The following GABRB2 variants were observed in gnomAD, a reference collection of about 807,000 sequenced individuals.
GABRB2 encodes gamma-aminobutyric acid receptor subunit beta-2.
In GABRB2, 16 loss-of-function variants were observed where a neutral mutation model predicts 54.7. That is an observed-to-expected ratio of 0.29 (90% confidence interval 0.20 to 0.44). The LOEUF (loss-of-function observed/expected upper bound fraction) is 0.44. GABRB2 is among the 20% of genes least tolerant of loss of function. The pLI is 1.00. For synonymous variants in GABRB2, 244 were observed against 233.8 expected (o/e 1.04, Z -0.40); for missense variants, 355 against 644.0 (o/e 0.55, Z 4.86).
At chr5:161,360,363 T>G (rs1364605615) in intron 5 of GABRB2, among the ~76,000 whole-genome samples, 1 of 152,162 alleles carries the variant, frequency 6.6e-6, no homozygotes. Context: ...GGTTCAGATG[T>G]TGATGTAAAG....
chr5:161,537,588 T>C (rs2113469183), intron 3 of GABRB2, among the ~76,000 whole-genome samples: 1 of 152,326 alleles, frequency 6.6e-6, no homozygotes, highest in South Asian at 2.1e-4. Context: ...TTTTTTTGCA[T>C]TCCTGTCTTA....
intron 4 of GABRB2, among the ~76,000 whole-genome samples, chr5:161,457,372 T>C (rs1323837232): frequency 2.0e-5 from 3 of 152,180 alleles, no homozygotes; most frequent in African/African-American, 7.2e-5. Flanking sequence ...TCATTTTTGT[T>C]TGATTAATGA....
intron 4 of GABRB2, among the ~76,000 whole-genome samples, chr5:161,417,210 C>T (rs1756703952): frequency 6.6e-6 from 1 of 152,142 alleles, no homozygotes; most frequent in African/African-American, 2.4e-5. Context: ...TTTTGTAGAA[C>T]AGGTAAAACA....
At chr5:161,326,289 C>A (rs1758358597) in intron 9 of GABRB2, 79 bp downstream of exon 9, 2 of 1,580,216 alleles carry the variant, frequency 1.3e-6, no homozygotes, top group Admixed American at 1.9e-5. Flanking sequence ...AAAGATCCCA[C>A]ACATTTTTTA....
chr5:161,309,965 TG>T (rs1757813223), intron 9 of GABRB2, among the ~76,000 whole-genome samples: 1 of 152,124 alleles, frequency 6.6e-6, no homozygotes. Context: ...ATATATACTC[TG>T]GAATACTATG....
rs1351188868 is a variant in GABRB2 at position 161,545,251 on chromosome 5, G to T, written c.213C>A (p.Ile71=). The part of the protein sequence containing the change: ...AVGMNIDIAS[I]DMVSEVNMDY... The stretch of plus-strand genomic sequence containing the variant: ...CCATATTGACTTCAGAAACCATATC[G>T]ATGCTGGCAATGTCAATGTTCATCC... The change falls in exon 3 of 10, where the codon ATC becomes ATA. Residue 71 remains isoleucine, a synonymous_variant. Transcript: ENST00000393959. 2 of 1,607,346 alleles carry T rather than the reference G, an allele frequency of 1.2e-6. No homozygotes were observed. Among genetic ancestry groups the T allele is most frequent in the Non-Finnish European group, 1.7e-6 (2 of 1,177,572 alleles).
chr5:161,482,686 T>C (rs1325285548), intron 3 of GABRB2, among the ~76,000 whole-genome samples: 2 of 152,112 alleles, frequency 1.3e-5, no homozygotes, highest in African/African-American at 2.4e-5. Context: ...TATCCAAAGA[T>C]GCCCCTATGG....
At chr5:161,327,406 T>G (rs1758400308) in intron 8 of GABRB2, among the ~76,000 whole-genome samples, 1 of 152,098 alleles carries the variant, frequency 6.6e-6, no homozygotes, top group African/African-American at 2.4e-5. Context: ...TTTATTTTTT[T>G]TTGCCAGCAC....
chr5:161,458,480 A>G (rs533313935), intron 4 of GABRB2, among the ~76,000 whole-genome samples: 23 of 152,320 alleles, frequency 1.5e-4, no homozygotes, highest in African/African-American at 5.3e-4. Context: ...GTCATAAACA[A>G]AACAGCTGAA....
intron 3 of GABRB2, among the ~76,000 whole-genome samples, chr5:161,509,269 T>C (rs1759694389): frequency 6.6e-6 from 1 of 152,022 alleles, no homozygotes; most frequent in South Asian, 2.1e-4. Flanking sequence ...CAATATTTTG[T>C]AAGATAAAAA....
At chr5:161,402,097 A>G (rs1756214247) in intron 5 of GABRB2, among the ~76,000 whole-genome samples, 2 of 151,596 alleles carry the variant, frequency 1.3e-5, no homozygotes, top group South Asian at 2.1e-4. Flanking sequence ...ACAAATATAT[A>G]TACATTCATA....
intron 4 of GABRB2, among the ~76,000 whole-genome samples, chr5:161,427,905 C>T (rs967693268): frequency 6.6e-6 from 1 of 152,108 alleles, no homozygotes; most frequent in Non-Finnish European, 1.5e-5. Context: ...TACAACATTG[C>T]TAATGAGTCA....
intron 5 of GABRB2, among the ~76,000 whole-genome samples, chr5:161,394,925 CA>C (rs761878093): frequency 2.0e-5 from 3 of 152,012 alleles, no homozygotes; most frequent in Non-Finnish European, 4.4e-5. Flanking sequence ...AGTTACAATC[CA>C]ATATCCTTCA....
At chr5:161,390,185 T>C (rs896936374) in intron 5 of GABRB2, among the ~76,000 whole-genome samples, 6 of 152,094 alleles carry the variant, frequency 3.9e-5, no homozygotes, top group African/African-American at 1.4e-4. Context: ...AATATCTCAG[T>C]GTAGCCCTGC....
At chr5:161,314,438 ATGTCTCCCTAGGTGCCCTTTGC>A (rs1463254754) in intron 9 of GABRB2, among the ~76,000 whole-genome samples, 2 of 152,108 alleles carry the variant, frequency 1.3e-5, no homozygotes, top group African/African-American at 2.4e-5. Flanking sequence ...CATTTTTGTT[ATGTCTCCCTAGGTGCCCTTTGC>A]CAAAACTAAG....
chr5:161,412,054 G>C (rs1184175526), intron 4 of GABRB2, among the ~76,000 whole-genome samples: 1 of 152,120 alleles, frequency 6.6e-6, no homozygotes. Flanking sequence ...TGTAGTGTGA[G>C]GGGCACTATA....
intron 5 of GABRB2, among the ~76,000 whole-genome samples, chr5:161,379,786 T>C (rs1755412841): frequency 6.6e-6 from 1 of 152,068 alleles, no homozygotes; most frequent in East Asian, 1.9e-4. Flanking sequence ...GTTTAACACA[T>C]GTTAAATTGT....
At chr5:161,457,748 C>T (rs1381473710) in intron 4 of GABRB2, among the ~76,000 whole-genome samples, 1 of 152,114 alleles carries the variant, frequency 6.6e-6, no homozygotes, top group Admixed American at 6.5e-5. Context: ...GCTCAGCCCC[C>T]TTTTCCTCTC....
At chr5:161,473,943 T>C (rs1394560456) in intron 3 of GABRB2, among the ~76,000 whole-genome samples, 1 of 151,832 alleles carries the variant, frequency 6.6e-6, no homozygotes, top group African/African-American at 2.4e-5. Context: ...AGAAAAAGTA[T>C]AAACAAGGAA....
Sources: allele counts gnomAD v4.1 joint callset (sites outside exome capture counted in the v4.1 genomes callset), GRCh38; gene constraint gnomAD v4.1.1; transcripts MANE v1.5; gene names NCBI Gene and HGNC (gene_info 2026-07-23, HGNC 2026-07-21).